The following MGAT4D variants were observed in gnomAD, a reference collection of about 807,000 sequenced individuals.
MGAT4D encodes alpha-1,3-mannosyl-glycoprotein 4-beta-N-acetylglucosaminyltransferase-like protein MGAT4D.
MGAT4D carries 34 observed loss-of-function variants against 15.9 expected under a neutral mutation model. The observed-to-expected ratio is 2.14, with a 90% CI of 1.62 to 2.84. The LOEUF (loss-of-function observed/expected upper bound fraction) is 2.84. Ranked by LOEUF, MGAT4D falls within the 30% of genes most tolerant of loss-of-function variation. The pLI is 0.00. For missense variants in MGAT4D, 327 were observed against 140.2 expected, an observed-to-expected ratio of 2.33 and a Z score of -6.73; for synonymous variants, 112 against 48.2, an observed-to-expected ratio of 2.33 and a Z score of -5.49.
chr4:140,452,199 T>C (rs1407675263), intron 9 of MGAT4D, among the ~76,000 whole-genome samples: 1 of 151,712 alleles, frequency 6.6e-6, no homozygotes, highest in African/African-American at 2.4e-5. Flanking sequence ...AAACAAACAA[T>C]AAAAACCCCA....
rs1009808696 is a variant in MGAT4D, at chr4:140,443,124, C to A, written c.*312G>T. 5.4e-5 allele frequency: 9 copies of A among 165,950 alleles called. No homozygotes were observed. The highest frequency in any genetic ancestry group is 7.7e-5 in the Non-Finnish European group (6 of 77,594). 10.3% of individuals were successfully genotyped at this position (165,950 alleles called of 1,614,324 possible). A position where few individuals can be genotyped will look rare whatever the true frequency, so the allele number is the denominator to read the frequency against. On this transcript the variant is annotated 3_prime_UTR_variant, in exon 11 of 11. Coordinates refer to ENST00000511113, the MANE Select transcript of MGAT4D (RefSeq NM_001277353.2). The stretch of plus-strand genomic sequence containing the variant: ...TCCCTGACAATAGCAAGCTTTCGAA[C>A]TTTTAACTGTTTATTGAGATTATGT...
At chr4:140,497,897 G>A (rs905522510) in intron 1 of MGAT4D, among the ~76,000 whole-genome samples, 11 of 152,210 alleles carry the variant, frequency 7.2e-5, no homozygotes, top group African/African-American at 2.7e-4. Context: ...CGTGCAGGCC[G>A]GACGCGGCCC....
At chr4:140,490,618 T>G (rs2126868907) in intron 1 of MGAT4D, among the ~76,000 whole-genome samples, 1 of 152,302 alleles carries the variant, frequency 6.6e-6, no homozygotes, top group South Asian at 2.1e-4. Context: ...GAGACAAACA[T>G]TTGAGCCTGA....
rs1250300531 is a variant in MGAT4D at position 140,498,239 on chromosome 4, C to T, written c.-17G>A. On this transcript the variant is annotated 5_prime_UTR_variant, in exon 1 of 11. Transcript: ENST00000511113. ...GGTCCTCATGGCCCTGGCCAGGCTG[C>T]GGGAGGCCGGCGGGTGGAGGCGGCG... 4.3e-6 allele frequency: 3 copies of T among 701,444 alleles called. No homozygotes were observed. Among genetic ancestry groups the T allele is most frequent in the East Asian group, 5.4e-5 (2 of 37,160 alleles). 43.5% of individuals were successfully genotyped at this position (701,444 alleles called of 1,614,324 possible). A position where few individuals can be genotyped will look rare whatever the true frequency, so the allele number is the denominator to read the frequency against.
chr4:140,467,381 G>A (rs920691256), intron 5 of MGAT4D, among the ~76,000 whole-genome samples: 2 of 152,014 alleles, frequency 1.3e-5, no homozygotes, highest in African/African-American at 4.8e-5. Flanking sequence ...AGAGGTAAAG[G>A]GAAATAACAT....
intron 2 of MGAT4D, among the ~76,000 whole-genome samples, chr4:140,479,990 AG>A (rs1465446696): frequency 6.6e-6 from 1 of 152,168 alleles, no homozygotes; most frequent in Non-Finnish European, 1.5e-5. Flanking sequence ...TTTGCTTTGT[AG>A]CCCCTAAAAT....
chr4:140,454,174 TA>T (rs1305386261), intron 9 of MGAT4D, among the ~76,000 whole-genome samples: 2 of 152,172 alleles, frequency 1.3e-5, no homozygotes, highest in African/African-American at 2.4e-5. Flanking sequence ...TGGACATGGT[TA>T]TTTTTTTCTT....
intron 1 of MGAT4D, among the ~76,000 whole-genome samples, chr4:140,497,223 A>G (rs999652419): frequency 6.6e-6 from 1 of 152,182 alleles, no homozygotes; most frequent in African/African-American, 2.4e-5. Context: ...TTAACTGAAA[A>G]CAACGTAAGA....
intron 5 of MGAT4D, among the ~76,000 whole-genome samples, chr4:140,471,276 T>G (rs1731938095): frequency 6.8e-6 from 1 of 146,434 alleles, no homozygotes; most frequent in Non-Finnish European, 1.5e-5. Context: ...CCTTCCTTCC[T>G]TCCTTCCTTC....
intron 5 of MGAT4D, among the ~76,000 whole-genome samples, chr4:140,466,931 A>T (rs1263878198): frequency 6.6e-6 from 1 of 152,068 alleles, no homozygotes; most frequent in Non-Finnish European, 1.5e-5. Context: ...TCTCTGTGCC[A>T]ATTTTGCTTG....
At chr4:140,457,499 T>A (rs1229320415) in intron 8 of MGAT4D, 1 of 152,174 alleles carries the variant, frequency 6.6e-6, no homozygotes, top group Non-Finnish European at 1.5e-5. Flanking sequence ...CCAAAGCAAG[T>A]GATTTAATGA....
rs1729876977 is a variant in MGAT4D, at chr4:140,443,128, T to C, written c.*308A>G. On this transcript the variant is annotated 3_prime_UTR_variant, in exon 11 of 11. Transcript: ENST00000511113. ...TGACAATAGCAAGCTTTCGAACTTT[T>C]AACTGTTTATTGAGATTATGTGATG... The C allele has an allele frequency of 6.0e-6, 1 of 167,770 alleles. No homozygotes were observed. The highest frequency in any genetic ancestry group is 6.3e-5 in the Admixed American group (1 of 15,764). 10.4% of individuals were successfully genotyped at this position (167,770 alleles called of 1,614,324 possible). A position where few individuals can be genotyped will look rare whatever the true frequency, so the allele number is the denominator to read the frequency against.
intron 1 of MGAT4D, among the ~76,000 whole-genome samples, chr4:140,488,757 G>C (rs968379780): frequency 2.0e-5 from 3 of 152,162 alleles, no homozygotes; most frequent in Non-Finnish European, 1.5e-5. Flanking sequence ...AATGTGGGAG[G>C]CATTTGAGTC....
intron 4 of MGAT4D, among the ~76,000 whole-genome samples, chr4:140,472,917 C>T (rs1250060025): frequency 2.6e-5 from 4 of 151,918 alleles, no homozygotes; most frequent in African/African-American, 9.7e-5. Context: ...TCTAATAGTT[C>T]TTCTATTGCT....
chr4:140,456,725 G>A lies in MGAT4D; in HGVS notation c.878-6C>T. 3.1e-6 allele frequency: 2 copies of A among 637,488 alleles called. No individual in the cohort carries two copies. Among genetic ancestry groups the A allele is most frequent in the South Asian group, 1.8e-5 (1 of 54,692 alleles). The allele number at this position is 637,488 out of a possible 1,614,324, so 39.5% of individuals were successfully genotyped here. A position where few individuals can be genotyped will look rare whatever the true frequency, so the allele number is the denominator to read the frequency against. ...CTCAGATCTAAACAGCTTTCCTATG[G>A]AAAAAAATACAATTAGATGCAAATA... On this transcript the variant is annotated splice_region_variant and splice_polypyrimidine_tract_variant and intron_variant, in intron 8 of 10. Coordinates refer to ENST00000511113, the MANE Select transcript of MGAT4D (RefSeq NM_001277353.2).
At chr4:140,463,230 G>C (rs1264302357) in intron 6 of MGAT4D, among the ~76,000 whole-genome samples, 2 of 152,194 alleles carry the variant, frequency 1.3e-5, no homozygotes, top group South Asian at 4.1e-4. Flanking sequence ...TTATCTCACA[G>C]AGTTCTTTGG....
At chr4:140,475,947 G>T (rs1368681692) in intron 3 of MGAT4D, among the ~76,000 whole-genome samples, 2 of 151,658 alleles carry the variant, frequency 1.3e-5, no homozygotes, top group African/African-American at 2.4e-5. Flanking sequence ...GAGTAGCTGG[G>T]ATTACAGGCA....
At chr4:140,495,429 T>C (rs1248202855) in intron 1 of MGAT4D, among the ~76,000 whole-genome samples, 2 of 152,226 alleles carry the variant, frequency 1.3e-5, no homozygotes, top group East Asian at 1.9e-4. Context: ...GGGGTGTCCT[T>C]TGATGCCGTT....
intron 9 of MGAT4D, among the ~76,000 whole-genome samples, chr4:140,453,679 C>G (rs139237128): frequency 0.011 from 1,708 of 151,796 alleles, 28 homozygotes; most frequent in African/African-American, 0.039. Context: ...TGAGTGAGTT[C>G]TCATGAGATC....
Sources: allele counts gnomAD v4.1 joint callset (sites outside exome capture counted in the v4.1 genomes callset), GRCh38; gene constraint gnomAD v4.1.1; transcripts MANE v1.5; gene names NCBI Gene and HGNC (gene_info 2026-07-23, HGNC 2026-07-21).